The following HCN1 variants were observed in gnomAD, a reference collection of about 807,000 sequenced individuals.
HCN1 encodes potassium/sodium hyperpolarization-activated cyclic nucleotide-gated channel 1.
A neutral mutation model predicts 78.9 loss-of-function variants in HCN1; 13 were observed. That is an observed-to-expected ratio of 0.16 (90% CI 0.11 to 0.26). The LOEUF is 0.26. HCN1 is among the 10% of genes least tolerant of loss of function. The pLI, the probability that HCN1 is intolerant of heterozygous loss-of-function variation, is 1.00. For synonymous variants in HCN1, 552 were observed against 455.5 expected, an observed-to-expected ratio of 1.21 and a Z score of -2.70; for missense variants, 810 against 1,154.3, an observed-to-expected ratio of 0.70 and a Z score of 4.32.
intron 2 of HCN1, among the ~76,000 whole-genome samples, chr5:45,588,193 G>A (rs933209982): frequency 1.1e-4 from 16 of 152,026 alleles, no homozygotes; most frequent in Admixed American, 3.9e-4. Context: ...ATCCCCTATA[G>A]ATAAGATAAA....
chr5:45,468,484 C>G (rs1363075541), intron 2 of HCN1, among the ~76,000 whole-genome samples: 1 of 152,010 alleles, frequency 6.6e-6, no homozygotes, highest in Non-Finnish European at 1.5e-5. Flanking sequence ...TGTTTCTTAA[C>G]TACCTTTTCA....
chr5:45,317,702 TCAAA>T (rs1287280784), intron 5 of HCN1, among the ~76,000 whole-genome samples: 1 of 151,798 alleles, frequency 6.6e-6, no homozygotes, highest in East Asian at 1.9e-4. Flanking sequence ...TACAAAGAGC[TCAAA>T]CAAATTTACA....
chr5:45,608,589 CAT>C (rs1744772507), intron 2 of HCN1, among the ~76,000 whole-genome samples: 1 of 151,692 alleles, frequency 6.6e-6, no homozygotes, highest in African/African-American at 2.4e-5. Flanking sequence ...AAGATAAAGT[CAT>C]AAAATTAAGA....
intron 6 of HCN1, among the ~76,000 whole-genome samples, chr5:45,282,693 C>A (rs1218149848): frequency 6.6e-6 from 1 of 152,150 alleles, no homozygotes; most frequent in Non-Finnish European, 1.5e-5. Flanking sequence ...CAAGCATCTA[C>A]TTAGTTCCAG....
intron 3 of HCN1, among the ~76,000 whole-genome samples, chr5:45,430,666 A>AT (rs1336557804): frequency 6.6e-6 from 1 of 151,966 alleles, no homozygotes; most frequent in Admixed American, 6.6e-5. Context: ...TATATACCAC[A>AT]TTTTTTAAAA....
At chr5:45,609,627 G>T (rs755086022) in intron 2 of HCN1, among the ~76,000 whole-genome samples, 1 of 151,954 alleles carries the variant, frequency 6.6e-6, no homozygotes, top group Non-Finnish European at 1.5e-5. Context: ...TACCTTGACT[G>T]GTGTGAATGT....
intron 2 of HCN1, among the ~76,000 whole-genome samples, chr5:45,547,521 C>G (rs188880685): frequency 2.6e-5 from 4 of 151,970 alleles, no homozygotes; most frequent in African/African-American, 7.2e-5. Flanking sequence ...TCAGGCTGAG[C>G]TTTAATGTAG....
intron 1 of HCN1, among the ~76,000 whole-genome samples, chr5:45,650,908 T>C (rs1745666194): frequency 6.6e-6 from 1 of 152,006 alleles, no homozygotes; most frequent in African/African-American, 2.4e-5. Flanking sequence ...TTATCTTCTC[T>C]ACTTGAAACA....
intron 2 of HCN1, among the ~76,000 whole-genome samples, chr5:45,475,307 G>A (rs187541973): frequency 6.6e-6 from 1 of 152,098 alleles, no homozygotes; most frequent in Admixed American, 6.6e-5. Context: ...TTAAAATATT[G>A]ATGGATTGGA....
At chr5:45,325,419 T>C (rs140944490) in intron 5 of HCN1, among the ~76,000 whole-genome samples, 1 of 151,704 alleles carries the variant, frequency 6.6e-6, no homozygotes, top group Non-Finnish European at 1.5e-5. Flanking sequence ...ATTCAATACA[T>C]GATGATTGTA....
intron 2 of HCN1, among the ~76,000 whole-genome samples, chr5:45,563,648 G>C (rs981806234): frequency 4.6e-5 from 7 of 152,000 alleles, no homozygotes; most frequent in African/African-American, 1.7e-4. Context: ...AATTATTTCT[G>C]AAACAATTCT....
At chr5:45,535,534 G>A (rs1329684511) in intron 2 of HCN1, among the ~76,000 whole-genome samples, 1 of 152,054 alleles carries the variant, frequency 6.6e-6, no homozygotes, top group Non-Finnish European at 1.5e-5. Flanking sequence ...GGAGGTGGAG[G>A]TTGCAGTGAG....
intron 5 of HCN1, among the ~76,000 whole-genome samples, chr5:45,309,331 C>A (rs566711653): frequency 6.6e-6 from 1 of 152,094 alleles, no homozygotes; most frequent in Non-Finnish European, 1.5e-5. Context: ...GCTTGACTTC[C>A]TCTTTTCTTA....
At chr5:45,673,278 C>T (rs1746194490) in intron 1 of HCN1, among the ~76,000 whole-genome samples, 1 of 151,552 alleles carries the variant, frequency 6.6e-6, no homozygotes, top group Non-Finnish European at 1.5e-5. Context: ...ATACTATCAA[C>T]ATGACTTATG....
At position 45,438,576 on chromosome 5, in the gene HCN1, C is replaced by T. The variant is rs111320517; in HGVS notation, c.1011+23270G>A. Among the ~76,000 whole-genome samples, 151 of 147,628 alleles carry T rather than the reference C, an allele frequency of 1.0e-3. 3 individuals carry two copies. The South Asian group carries it at 0.024, about 24-fold the overall frequency. ...CTGCACTCCAGCCTGGGCCACAGAGCGAGACTCCGTCTCAAAAAAAAAAAA... is the reference window on the plus strand; with the variant it reads ...CTGCACTCCAGCCTGGGCCACAGAGTGAGACTCCGTCTCAAAAAAAAAAAA... On this transcript the variant is annotated intron_variant, in intron 3 of 7. Transcript: ENST00000303230.
At chr5:45,300,314 A>G (rs1561094687) in intron 6 of HCN1, among the ~76,000 whole-genome samples, 2 of 151,984 alleles carry the variant, frequency 1.3e-5, no homozygotes, top group Non-Finnish European at 2.9e-5. Flanking sequence ...GGTTTGAGCT[A>G]GGCAAGCCCA....
At chr5:45,634,730 C>A (rs1291351385) in intron 2 of HCN1, among the ~76,000 whole-genome samples, 1 of 151,924 alleles carries the variant, frequency 6.6e-6, no homozygotes, top group African/African-American at 2.4e-5. Flanking sequence ...TAAAGATTAT[C>A]TAGAGCTACA....
chr5:45,287,350 A>G (rs1206319119), intron 6 of HCN1, among the ~76,000 whole-genome samples: 1 of 152,006 alleles, frequency 6.6e-6, no homozygotes, highest in Non-Finnish European at 1.5e-5. Flanking sequence ...CTAATTCTAA[A>G]TTTACAAAAA....
intron 4 of HCN1, among the ~76,000 whole-genome samples, chr5:45,382,740 C>T (rs576898192): frequency 2.0e-4 from 30 of 152,224 alleles, no homozygotes; most frequent in Middle Eastern, 6.8e-3. Context: ...GAAGAATCAA[C>T]AGGTGTGCCT....
Sources: gnomAD v4.1 joint callset for allele counts (sites outside exome capture counted in the v4.1 genomes callset) on GRCh38, gnomAD v4.1.1 for gene constraint, MANE v1.5 for transcripts, NCBI Gene and HGNC (gene_info 2026-07-23, HGNC 2026-07-21) for gene names.